Variants in PTPRD observed in about 807,000 individuals in gnomAD.
PTPRD encodes receptor-type tyrosine-protein phosphatase delta.
PTPRD carries 34 observed loss-of-function variants against 214.5 expected under a neutral mutation model. The observed-to-expected ratio is 0.16, with a 90% CI of 0.12 to 0.21. The LOEUF (loss-of-function observed/expected upper bound fraction) is 0.21. Among genes scored for constraint, PTPRD ranks in the 10% least tolerant of loss-of-function variants. The probability of loss-of-function intolerance (pLI) is 1.00; values close to 1 mark genes in which losing one functional copy is unlikely to be tolerated. For missense variants in PTPRD, 2,545 were observed against 2,398.7 expected, an observed-to-expected ratio of 1.06 and a Z score of -1.27; for synonymous variants, 1,128 against 845.7, an observed-to-expected ratio of 1.33 and a Z score of -5.79.
intron 8 of PTPRD, among the ~76,000 whole-genome samples, chr9:9,560,094 CTT>C (rs1246242724): frequency 6.6e-6 from 1 of 152,218 alleles, no homozygotes; most frequent in Non-Finnish European, 1.5e-5. Flanking sequence ...AGCAGGTACT[CTT>C]TGAACTGGAA....
intron 3 of PTPRD, among the ~76,000 whole-genome samples, chr9:10,104,019 G>C (rs942251270): frequency 5.0e-4 from 76 of 151,696 alleles, no homozygotes; most frequent in African/African-American, 1.7e-3. Context: ...ATACCACCAT[G>C]TGTAGGAAAC....
Position 8,873,228 on chromosome 9 carries a change from A to C in PTPRD, c.-103-139282T>G, listed in dbSNP as rs933460052. ...AAAGACAGTCAATAAATATTGAATG[A>C]AGGAATCTTTATATACATGGCCTCA... On this transcript the variant is annotated intron_variant, in intron 11 of 45. Transcript: ENST00000381196. Among the ~76,000 whole-genome samples the C allele has an allele frequency of 2.6e-5, 4 of 152,194 alleles. No homozygotes were observed. In the East Asian group the frequency reaches 7.7e-4, roughly 29 times the overall value.
At chr9:8,415,120 T>C (rs1234012859) in intron 35 of PTPRD, among the ~76,000 whole-genome samples, 1 of 152,182 alleles carries the variant, frequency 6.6e-6, no homozygotes, top group Non-Finnish European at 1.5e-5. Flanking sequence ...AGCAATGAGA[T>C]ACTGAATCCA....
At chr9:10,324,394 A>T (rs1239206553) in intron 3 of PTPRD, among the ~76,000 whole-genome samples, 1 of 152,086 alleles carries the variant, frequency 6.6e-6, no homozygotes, top group East Asian at 1.9e-4. Flanking sequence ...TTCATTATTG[A>T]TGCAGAAATA....
chr9:9,249,078 G>C (rs1242058998), intron 9 of PTPRD, among the ~76,000 whole-genome samples: 1 of 152,040 alleles, frequency 6.6e-6, no homozygotes, highest in African/African-American at 2.4e-5. Context: ...GGAGGTGTTT[G>C]GGTAGTGGGG....
chr9:9,486,203 C>A (rs562005548), intron 8 of PTPRD, among the ~76,000 whole-genome samples: 2 of 122,038 alleles, frequency 1.6e-5, no homozygotes, highest in African/African-American at 3.1e-5. Context: ...CTTGAAGTCA[C>A]TATGTGAGCT....
chr9:8,809,367 T>C (rs2096754641), intron 11 of PTPRD, among the ~76,000 whole-genome samples: 1 of 152,130 alleles, frequency 6.6e-6, no homozygotes, highest in Admixed American at 6.6e-5. Context: ...ATCTGCATCT[T>C]ACAGGTGGAA....
chr9:9,055,765 T>G (rs1010363544), intron 10 of PTPRD, among the ~76,000 whole-genome samples: 1 of 150,260 alleles, frequency 6.7e-6, no homozygotes, highest in Admixed American at 6.7e-5. Flanking sequence ...TAACAATATA[T>G]AAATGCAACA....
intron 7 of PTPRD, among the ~76,000 whole-genome samples, chr9:9,620,624 A>G (rs1038600476): frequency 6.6e-6 from 1 of 152,170 alleles, no homozygotes; most frequent in African/African-American, 2.4e-5. Context: ...TTGACCTTTC[A>G]ACATCAATTT....
chr9:10,555,527 C>A (rs1320485047), intron 2 of PTPRD, among the ~76,000 whole-genome samples: 1 of 152,130 alleles, frequency 6.6e-6, no homozygotes, highest in Non-Finnish European at 1.5e-5. Context: ...CCCTAGCATG[C>A]CTTTCCCCAC....
intron 2 of PTPRD, among the ~76,000 whole-genome samples, chr9:10,529,977 C>G (rs905219829): frequency 1.3e-5 from 2 of 150,314 alleles, no homozygotes; most frequent in Non-Finnish European, 3.0e-5. Flanking sequence ...ACCTAGACGA[C>G]AGGTTGTTAG....
chr9:9,318,353 T>A (rs1434467689), intron 9 of PTPRD, among the ~76,000 whole-genome samples: 1 of 152,140 alleles, frequency 6.6e-6, no homozygotes. Flanking sequence ...AGTAGTGAAC[T>A]TCTTTGTAAT....
intron 2 of PTPRD, among the ~76,000 whole-genome samples, chr9:10,450,296 G>C (rs2098832357): frequency 6.6e-6 from 1 of 151,318 alleles, no homozygotes; most frequent in Non-Finnish European, 1.5e-5. Context: ...AACAAAAAAA[G>C]ATTATTATGC....
Position 8,335,616 on chromosome 9 carries a change from C to T in PTPRD, c.5379+3306G>A, listed in dbSNP as rs998717742. Among the ~76,000 whole-genome samples the T allele has an allele frequency of 4.6e-5, 7 of 152,282 alleles. No individual in the cohort carries two copies. In the East Asian group the frequency reaches 1.4e-3, roughly 29 times the overall value. On this transcript the variant is annotated intron_variant, in intron 43 of 45. Coordinates refer to ENST00000381196, the MANE Select transcript of PTPRD (RefSeq NM_002839.4). ...GATGCCCTCTCTCACCACTCCTATTCAACACAGTATTGGAAGTTCTGGCCA... is the reference window on the plus strand; with the variant it reads ...GATGCCCTCTCTCACCACTCCTATTTAACACAGTATTGGAAGTTCTGGCCA...
intron 8 of PTPRD, among the ~76,000 whole-genome samples, chr9:9,493,952 G>T (rs984712706): frequency 2.0e-5 from 3 of 152,094 alleles, no homozygotes; most frequent in Non-Finnish European, 2.9e-5. Context: ...AAGAACATTT[G>T]TAATTCATGA....
intron 11 of PTPRD, among the ~76,000 whole-genome samples, chr9:8,881,165 T>A (rs953802595): frequency 4.6e-5 from 7 of 152,216 alleles, no homozygotes; most frequent in Admixed American, 1.3e-4. Flanking sequence ...ACTTACTGTA[T>A]TCCAGGCACT....
chr9:9,181,603 AATT>A (rs2099928268), intron 10 of PTPRD, among the ~76,000 whole-genome samples: 1 of 152,048 alleles, frequency 6.6e-6, no homozygotes, highest in Non-Finnish European at 1.5e-5. Flanking sequence ...CCAGAAATAT[AATT>A]ATTATCTTTA....
At chr9:10,387,807 A>G (rs1381735714) in intron 2 of PTPRD, among the ~76,000 whole-genome samples, 1 of 147,058 alleles carries the variant, frequency 6.8e-6, no homozygotes, top group Non-Finnish European at 1.5e-5. Flanking sequence ...TTAAAAAAAA[A>G]AAAAGATTTT....
chr9:9,767,344 G>T (rs536438238), intron 5 of PTPRD, among the ~76,000 whole-genome samples: 87 of 152,012 alleles, frequency 5.7e-4, no homozygotes, highest in Admixed American at 9.2e-4. Context: ...TAGTAATAAT[G>T]TTTCAAAAAC....
Sources: gnomAD v4.1 joint callset for allele counts (sites outside exome capture counted in the v4.1 genomes callset) on GRCh38, gnomAD v4.1.1 for gene constraint, MANE v1.5 for transcripts, NCBI Gene and HGNC (gene_info 2026-07-23, HGNC 2026-07-21) for gene names.